CSMD2: variants seen among roughly 807,000 people sequenced by gnomAD.
CSMD2 encodes CUB and Sushi multiple domains 2, also known as CUB and sushi domain-containing protein 2.
In CSMD2, 130 loss-of-function variants were observed where a neutral mutation model predicts 398.5. The observed-to-expected ratio is 0.33, with a 90% CI of 0.28 to 0.38. The LOEUF is 0.38. CSMD2 is among the 10% of genes least tolerant of loss of function. CSMD2 has a pLI of 1.00. For synonymous variants in CSMD2, 1,828 were observed against 1,908.5 expected (o/e 0.96, Z 1.10); for missense variants, 3,829 against 4,764.9 (o/e 0.80, Z 5.78).
chr1:33,762,729 T>A (rs1649984364), intron 13 of CSMD2, among the ~76,000 whole-genome samples: 1 of 132,294 alleles, frequency 7.6e-6, no homozygotes, highest in East Asian at 2.1e-4. Context: ...TGTGACCACA[T>A]CTATGTGCAA....
chr1:33,761,619 C>T (rs959335027), intron 13 of CSMD2, among the ~76,000 whole-genome samples: 3 of 152,128 alleles, frequency 2.0e-5, no homozygotes, highest in Non-Finnish European at 2.9e-5. Context: ...GCACTCAGGG[C>T]CTGTCCTCTT....
intron 6 of CSMD2, among the ~76,000 whole-genome samples, chr1:33,826,985 G>A (rs942929743): frequency 4.6e-5 from 7 of 152,158 alleles, no homozygotes; most frequent in East Asian, 1.9e-4. Context: ...TTAAATCAGC[G>A]TCCTTGACTC....
intron 1 of CSMD2, among the ~76,000 whole-genome samples, chr1:34,112,450 T>C (rs1230823066): frequency 6.6e-6 from 1 of 152,224 alleles, no homozygotes; most frequent in Non-Finnish European, 1.5e-5. Context: ...ACTCCAGCCA[T>C]GAGGTAACTC....
intron 1 of CSMD2, among the ~76,000 whole-genome samples, chr1:34,131,093 C>T (rs1663298801): frequency 6.6e-6 from 1 of 152,200 alleles, no homozygotes; most frequent in African/African-American, 2.4e-5. Context: ...CCTCCCACCT[C>T]ACCAAGCAAT....
chr1:34,057,318 G>A (rs758329337), intron 2 of CSMD2, among the ~76,000 whole-genome samples: 1 of 152,056 alleles, frequency 6.6e-6, no homozygotes, highest in Non-Finnish European at 1.5e-5. Context: ...AGGATGCCAC[G>A]CCAACCTCAG....
At chr1:33,817,088 G>C (rs1339604869) in intron 9 of CSMD2, among the ~76,000 whole-genome samples, 7 of 152,132 alleles carry the variant, frequency 4.6e-5, no homozygotes, top group Admixed American at 1.3e-4. Context: ...TCACAGAATA[G>C]TGATTGCGAT....
intron 41 of CSMD2, among the ~76,000 whole-genome samples, chr1:33,608,079 C>G (rs1640748444): frequency 6.6e-6 from 1 of 152,058 alleles, no homozygotes; most frequent in South Asian, 2.1e-4. Flanking sequence ...CTCAGGGGGA[C>G]AGCGGGGCCC....
rs1655448599 is a variant in CSMD2 at position 33,533,437 on chromosome 1, T to C, written c.9992-208A>G. ...AGATGGAGATCATGTGGATATCGGCTTGGTTGACTCTGAGTTGGGGGAACT... is the reference window on the plus strand; with the variant it reads ...AGATGGAGATCATGTGGATATCGGCCTGGTTGACTCTGAGTTGGGGGAACT... On this transcript the variant is annotated intron_variant, in intron 63 of 70. Transcript: ENST00000373381. This position sits in a 1 kb window ranked among gnomAD's most constrained non-coding sequence, Gnocchi z 4.2. Among the ~76,000 whole-genome samples the C allele has an allele frequency of 6.6e-6, 1 of 152,154 alleles. No individual in the cohort carries two copies. The highest frequency in any genetic ancestry group is 6.5e-5 in the Admixed American group (1 of 15,276).
chr1:33,672,138 A>G (rs1441541754), intron 25 of CSMD2, among the ~76,000 whole-genome samples: 1 of 152,170 alleles, frequency 6.6e-6, no homozygotes, highest in African/African-American at 2.4e-5. Flanking sequence ...CAGTGGGTGC[A>G]GTGCACCGTG....
intron 24 of CSMD2, among the ~76,000 whole-genome samples, chr1:33,694,637 TCCCCAG>T (rs1351913470): frequency 1.3e-5 from 2 of 152,142 alleles, no homozygotes; most frequent in African/African-American, 4.8e-5. Flanking sequence ...TCCTGAGGCT[TCCCCAG>T]CCATGAGGAA....
intron 24 of CSMD2, 55 bp downstream of exon 24, chr1:33,698,698 G>C (rs1645502835): frequency 7.9e-6 from 12 of 1,512,640 alleles, no homozygotes; most frequent in Non-Finnish European, 9.0e-6. Context: ...ACCAGGACTA[G>C]AGCTTGGTAT....
At chr1:34,025,128 A>C (rs560819802) in intron 3 of CSMD2, among the ~76,000 whole-genome samples, 7 of 152,214 alleles carry the variant, frequency 4.6e-5, no homozygotes, top group Non-Finnish European at 8.8e-5. Flanking sequence ...TGGAACAGCA[A>C]AACGGGCAGC....
At chr1:34,115,795 GA>G (rs1661545151) in intron 1 of CSMD2, among the ~76,000 whole-genome samples, 6 of 152,038 alleles carry the variant, frequency 3.9e-5, no homozygotes, top group Non-Finnish European at 7.4e-5. Context: ...TGAAATTCGT[GA>G]TATTGCTAAT....
chr1:34,082,403 C>T (rs1011457984), intron 2 of CSMD2, among the ~76,000 whole-genome samples: 4 of 152,076 alleles, frequency 2.6e-5, no homozygotes, highest in Non-Finnish European at 5.9e-5. Context: ...GCAGCCGCCC[C>T]GTCTGGGAGG....
chr1:33,544,148 C>A (rs887000425), intron 57 of CSMD2, among the ~76,000 whole-genome samples: 2 of 149,684 alleles, frequency 1.3e-5, no homozygotes, highest in Admixed American at 6.7e-5. Flanking sequence ...GCTCTTTCGC[C>A]CAGGCTGAAC....
At chr1:33,754,589 C>T (rs1569742941) in intron 13 of CSMD2, among the ~76,000 whole-genome samples, 1 of 152,190 alleles carries the variant, frequency 6.6e-6, no homozygotes, top group East Asian at 1.9e-4. Context: ...TATCTGAGTT[C>T]AATGTAAGTA....
At position 33,960,818 on chromosome 1, in the gene CSMD2, G is replaced by A. The variant is rs111359651; in HGVS notation, c.518-24864C>T. Among the ~76,000 whole-genome samples the A allele has an allele frequency of 3.5e-4, 54 of 152,302 alleles. 5 individuals carry two copies. Among genetic ancestry groups the A allele is most frequent in the African/African-American group, 1.3e-3 (52 of 41,564 alleles). On this transcript the variant is annotated intron_variant, in intron 3 of 70. Transcript: ENST00000373381. Reference sequence around the variant, plus strand: ...TATGTATATGATGTCTTTAGAAAGCGCCCACTGATTAGGGACATATCTGGT... The same window carrying A: ...TATGTATATGATGTCTTTAGAAAGCACCCACTGATTAGGGACATATCTGGT...
At chr1:33,976,795 T>A (rs189511462) in intron 3 of CSMD2, among the ~76,000 whole-genome samples, 6 of 152,120 alleles carry the variant, frequency 3.9e-5, no homozygotes, top group Non-Finnish European at 8.8e-5. Flanking sequence ...ACATTCCTCT[T>A]TGGGCTGTTT....
chr1:33,832,011 G>T (rs1052832721), intron 6 of CSMD2, among the ~76,000 whole-genome samples: 1 of 151,948 alleles, frequency 6.6e-6, no homozygotes, highest in Non-Finnish European at 1.5e-5. Flanking sequence ...GGTTCATAAA[G>T]CAAGTCCTGA....
Sources: allele counts gnomAD v4.1 joint callset (sites outside exome capture counted in the v4.1 genomes callset), GRCh38; gene constraint gnomAD v4.1.1; non-coding constraint Gnocchi (gnomAD v3.1); transcripts MANE v1.5; gene names NCBI Gene and HGNC (gene_info 2026-07-23, HGNC 2026-07-21).